The following VSTM2L variants were observed in gnomAD, a reference collection of about 807,000 sequenced individuals.
VSTM2L encodes V-set and transmembrane domain containing 2 like, also known as V-set and transmembrane domain-containing protein 2-like protein.
In VSTM2L, 9 loss-of-function variants were observed where a neutral mutation model predicts 19.9. The ratio of observed to expected loss-of-function variants is 0.45; its 90% CI spans 0.27 to 0.79. VSTM2L has a LOEUF of 0.79. VSTM2L is among the 30% of genes least tolerant of loss of function. VSTM2L has a pLI of 0.15. For missense variants in VSTM2L, 286 were observed against 295.5 expected (o/e 0.97, Z 0.24); for synonymous variants, 127 against 133.8 (o/e 0.95, Z 0.35).
At chr20:37,905,455 G>C (rs1162833021) in intron 1 of VSTM2L, among the ~76,000 whole-genome samples, 4 of 152,196 alleles carry the variant, frequency 2.6e-5, no homozygotes, top group Non-Finnish European at 4.4e-5. Flanking sequence ...TGCCAGGTAA[G>C]CTGAGGGGGC....
intron 3 of VSTM2L, among the ~76,000 whole-genome samples, chr20:37,935,476 C>T (rs1476515851): frequency 1.3e-5 from 2 of 152,196 alleles, no homozygotes; most frequent in African/African-American, 2.4e-5. Flanking sequence ...GACCTCACCC[C>T]CCTTCCCCTC....
Position 37,933,264 on chromosome 20 carries a change from T to C in VSTM2L, c.292-275T>C, listed in dbSNP as rs1022414751. On this transcript the variant is annotated intron_variant, in intron 2 of 3. Coordinates refer to ENST00000373461, the MANE Select transcript of VSTM2L (RefSeq NM_080607.3). ...GCCTGTTCACACTCCCTCCAATATA[T>C]ACCAAAGCACCCTTGTGTATCTAAA... Among the ~76,000 whole-genome samples, 62 of 152,338 alleles carry C rather than the reference T, an allele frequency of 4.1e-4. 2 individuals carry two copies. The highest frequency in any genetic ancestry group is 1.4e-3 in the African/African-American group (57 of 41,576).
rs545660276 is a variant in VSTM2L at position 37,934,942 on chromosome 20, G to A, written c.342+1353G>A. Among the ~76,000 whole-genome samples the A allele has an allele frequency of 6.6e-5, 10 of 152,250 alleles. No individual in the cohort carries two copies. The East Asian group carries it at 1.5e-3, about 23-fold the overall frequency. On this transcript the variant is annotated intron_variant, in intron 3 of 3. Transcript: ENST00000373461. ...GCTGTGGGTCCACCCCCGACCCTCT[G>A]CCAAGGGCGCATCCATATCGAACAC...
intron 1 of VSTM2L, among the ~76,000 whole-genome samples, chr20:37,927,267 A>G (rs2072884012): frequency 6.6e-6 from 1 of 152,248 alleles, no homozygotes; most frequent in Non-Finnish European, 1.5e-5. Flanking sequence ...GCCCGGCCTC[A>G]TTAATAATTT....
chr20:37,922,053 G>A (rs76094017), intron 1 of VSTM2L, among the ~76,000 whole-genome samples: 3,306 of 151,934 alleles, frequency 0.022, 114 homozygotes, highest in African/African-American at 0.076. Context: ...ATAACAGAAA[G>A]TTTCCCATTT....
chr20:37,923,633 C>T (rs984591839), intron 1 of VSTM2L, among the ~76,000 whole-genome samples: 2 of 152,132 alleles, frequency 1.3e-5, no homozygotes, highest in African/African-American at 4.8e-5. Context: ...GTTACCTGAG[C>T]AGGGAGGGGG....
At chr20:37,921,630 C>A (rs2072851473) in intron 1 of VSTM2L, among the ~76,000 whole-genome samples, 1 of 151,396 alleles carries the variant, frequency 6.6e-6, no homozygotes, top group Non-Finnish European at 1.5e-5. Context: ...ATAAAATGAG[C>A]AAACATGTAA....
At position 37,945,111 on chromosome 20, in the gene VSTM2L, C is replaced by G; in HGVS notation, c.*858C>G. The G allele has an allele frequency of 1.0e-6, 1 of 985,812 alleles. No individual in the cohort carries two copies. Among genetic ancestry groups the G allele is most frequent in the Non-Finnish European group, 1.2e-6 (1 of 829,940 alleles). 61.1% of individuals were successfully genotyped at this position (985,812 alleles called of 1,614,324 possible). A position where few individuals can be genotyped will look rare whatever the true frequency, so the allele number is the denominator to read the frequency against. ...TGGGGCTGTTGGGAGCCAAGGGCCC[C>G]CTGGTACTCAGTTCCCTCACGATTC... On this transcript the variant is annotated 3_prime_UTR_variant, in exon 4 of 4. Coordinates refer to ENST00000373461, the MANE Select transcript of VSTM2L (RefSeq NM_080607.3).
chr20:37,933,405 A>G (rs2072921791), intron 2 of VSTM2L, 134 bp from the exon 3 acceptor site: 25 of 705,976 alleles, frequency 3.5e-5, no homozygotes, highest in Non-Finnish European at 5.9e-5. Context: ...ATGGCCCCCG[A>G]GCCTCATCTG....
chr20:37,909,555 A>C (rs1311599783), intron 1 of VSTM2L, among the ~76,000 whole-genome samples: 1 of 152,204 alleles, frequency 6.6e-6, no homozygotes, highest in Non-Finnish European at 1.5e-5. Flanking sequence ...ATTTTTAAAC[A>C]TTCAAATGAT....
At position 37,945,141 on chromosome 20, in the gene VSTM2L, T is replaced by A. The variant is rs1037130382; in HGVS notation, c.*888T>A. The A allele has an allele frequency of 8.1e-6, 8 of 985,692 alleles. No individual in the cohort carries two copies. The highest frequency in any genetic ancestry group is 9.6e-6 in the Non-Finnish European group (8 of 829,948). 61.1% of individuals were successfully genotyped at this position (985,692 alleles called of 1,614,324 possible). ...TACTCAGTTCCCTCACGATTCCCGA[T>A]CACGGGCACACCTGCCCCCTGGTTA... On this transcript the variant is annotated 3_prime_UTR_variant, in exon 4 of 4. Transcript: ENST00000373461.
Position 37,943,969 on chromosome 20 carries a change from T to C in VSTM2L, c.343-12T>C. 1 of 1,252,062 alleles carries C rather than the reference T, an allele frequency of 8.0e-7. No homozygotes were observed. The highest frequency in any genetic ancestry group is 1.0e-6 in the Non-Finnish European group (1 of 959,726). 77.6% of individuals were successfully genotyped at this position (1,252,062 alleles called of 1,614,324 possible). A position where few individuals can be genotyped will look rare whatever the true frequency, so the allele number is the denominator to read the frequency against. On this transcript the variant is annotated splice_polypyrimidine_tract_variant and intron_variant, in intron 3 of 3. Transcript: ENST00000373461. ...CTGGATGGACAGGTCACGGTCTCTC[T>C]GTCACCCCCAGGTGGTCAAGGTGGT...
intron 3 of VSTM2L, among the ~76,000 whole-genome samples, chr20:37,943,046 C>T (rs2072982199): frequency 1.3e-5 from 2 of 150,238 alleles, no homozygotes; most frequent in Non-Finnish European, 3.0e-5. Context: ...CTCACTGCAA[C>T]CTCCGCCTCC....
In VSTM2L at chr20:37,944,438, CTTTCAGA is replaced by C; in HGVS notation, c.*186_*192del. ...CATGTAAGCCCCACCCACCCCTGCC[CTTTCAGA>C]CCCCTGCGGTGACCTGGCTCGGAGA... On this transcript the variant is annotated 3_prime_UTR_variant, in exon 4 of 4. Coordinates refer to ENST00000373461, the MANE Select transcript of VSTM2L (RefSeq NM_080607.3). 1.6e-6 allele frequency: 2 copies of C among 1,251,890 alleles called. No homozygotes were observed. Among genetic ancestry groups the C allele is most frequent in the Non-Finnish European group, 2.0e-6 (2 of 979,672 alleles). 77.5% of individuals were successfully genotyped at this position (1,251,890 alleles called of 1,614,324 possible). A position where few individuals can be genotyped will look rare whatever the true frequency, so the allele number is the denominator to read the frequency against.
At chr20:37,936,510 G>T (rs1277950164) in intron 3 of VSTM2L, among the ~76,000 whole-genome samples, 2 of 152,146 alleles carry the variant, frequency 1.3e-5, no homozygotes, top group Admixed American at 6.5e-5. Context: ...AGGCATATGT[G>T]ATCAAATAAT....
In VSTM2L at chr20:37,936,036, C is replaced by G. The variant is rs1174121208; in HGVS notation, c.342+2447C>G. ...AGTAGCTGGGAATATAGGAACAGGC[C>G]ACCATACCTAGCTAATTTTTTTTTT... On this transcript the variant is annotated intron_variant, in intron 3 of 3. Transcript: ENST00000373461. Among the ~76,000 whole-genome samples the G allele has an allele frequency of 2.7e-5, 4 of 149,658 alleles. No individual in the cohort carries two copies. The East Asian group carries it at 7.9e-4, about 30-fold the overall frequency.
At position 37,905,846 on chromosome 20, in the gene VSTM2L, G is replaced by A. The variant is rs143505363; in HGVS notation, c.121+2375G>A. Among the ~76,000 whole-genome samples the A allele has an allele frequency of 1.4e-3, 220 of 152,316 alleles. 2 individuals are homozygous for A. The highest frequency in any genetic ancestry group is 5.0e-3 in the African/African-American group (208 of 41,556). On this transcript the variant is annotated intron_variant, in intron 1 of 3. Coordinates refer to ENST00000373461, the MANE Select transcript of VSTM2L (RefSeq NM_080607.3). ...AAACTGTTATTAATGATAGTGAGAC[G>A]CGGCGAATAAGTGGGTCATGTCTAA...
intron 1 of VSTM2L, among the ~76,000 whole-genome samples, chr20:37,909,742 G>A (rs1226786256): frequency 1.3e-5 from 2 of 152,152 alleles, no homozygotes; most frequent in Non-Finnish European, 2.9e-5. Flanking sequence ...GCAGCCATGA[G>A]GATGGGGGAG....
At chr20:37,943,838 T>C in intron 3 of VSTM2L, 143 bp from the exon 4 acceptor site, 2 of 849,744 alleles carry the variant, frequency 2.4e-6, no homozygotes, top group Non-Finnish European at 3.5e-6. Flanking sequence ...TTTAACTCAC[T>C]CTTGTGCAAA....
Sources: gnomAD v4.1 joint callset for allele counts (sites outside exome capture counted in the v4.1 genomes callset) on GRCh38, gnomAD v4.1.1 for gene constraint, MANE v1.5 for transcripts, NCBI Gene and HGNC (gene_info 2026-07-23, HGNC 2026-07-21) for gene names.